ARSB: variants seen among roughly 807,000 people sequenced by gnomAD.
ARSB encodes the protein N-acetylgalactosamine-4-sulfatase.
In ARSB, 41 loss-of-function variants were observed where a neutral mutation model predicts 50.9. The ratio of observed to expected loss-of-function variants is 0.81; its 90% CI spans 0.63 to 1.04. The LOEUF is 1.04. ARSB is among the 50% of genes least tolerant of loss of function. The probability of loss-of-function intolerance (pLI) is 0.00; values close to 1 mark genes in which losing one functional copy is unlikely to be tolerated. For synonymous variants in ARSB, 269 were observed against 284.8 expected, an observed-to-expected ratio of 0.94 and a Z score of 0.56; for missense variants, 672 against 693.3, an observed-to-expected ratio of 0.97 and a Z score of 0.35.
At chr5:78,787,337 C>A (rs1298247349) in intron 6 of ARSB, among the ~76,000 whole-genome samples, 1 of 152,080 alleles carries the variant, frequency 6.6e-6, no homozygotes, top group Non-Finnish European at 1.5e-5. Context: ...AGTCCTCCCA[C>A]TTTTATTTTT....
chr5:78,902,482 C>A (rs1381718281), intron 4 of ARSB, among the ~76,000 whole-genome samples: 1 of 151,924 alleles, frequency 6.6e-6, no homozygotes. Flanking sequence ...CATAATAGCC[C>A]AAAAAAGTAG....
At chr5:78,920,680 A>G (rs997107116) in intron 4 of ARSB, among the ~76,000 whole-genome samples, 5 of 109,878 alleles carry the variant, frequency 4.6e-5, no homozygotes, top group Non-Finnish European at 9.5e-5. Context: ...TCTTGTCCCC[A>G]TAGAGCTCTG....
At chr5:78,911,209 C>A (rs1749291744) in intron 4 of ARSB, among the ~76,000 whole-genome samples, 1 of 151,976 alleles carries the variant, frequency 6.6e-6, no homozygotes, top group Admixed American at 6.5e-5. Context: ...GTAAAATTGT[C>A]CTGACTCAAG....
intron 6 of ARSB, among the ~76,000 whole-genome samples, chr5:78,800,064 T>C (rs1187789582): frequency 6.6e-6 from 1 of 152,084 alleles, no homozygotes; most frequent in Admixed American, 6.5e-5. Flanking sequence ...ACGTCTGTAA[T>C]CCCGGCACTT....
Position 78,985,017 on chromosome 5 carries a change from CG to C in ARSB, c.231del (p.Gly78AlafsTer36). On this transcript the variant is annotated frameshift_variant, in exon 1 of 8. Transcript: ENST00000264914. LOFTEE classifies it high-confidence loss of function. ...TAGTAGTTGTCCAGGAGCACCCCGC[CG>C]GCCGCCAGCGCGTCCAGGTGCGGCG... Reference protein sequence around the residue: ...IRTPHLDALAAGGVLLDNYYT... With the variant: ...IRTPHLDALAXGGVLLDNYYT... 3.9e-6 allele frequency: 6 copies of C among 1,539,750 alleles called. No individual in the cohort carries two copies. Among genetic ancestry groups the C allele is most frequent in the South Asian group, 1.2e-5 (1 of 83,128 alleles).
chr5:78,854,127 T>G (rs1746016775), intron 5 of ARSB, among the ~76,000 whole-genome samples: 1 of 152,248 alleles, frequency 6.6e-6, no homozygotes, highest in African/African-American at 2.4e-5. Flanking sequence ...CAGAGGGAAA[T>G]GCAGAAATCA....
chr5:78,795,545 A>C (rs1455998466), intron 6 of ARSB, among the ~76,000 whole-genome samples: 2 of 152,204 alleles, frequency 1.3e-5, no homozygotes, highest in East Asian at 3.8e-4. Flanking sequence ...CCTGACCACC[A>C]TTAAATACTT....
At chr5:78,948,017 G>A (rs1751323948) in intron 4 of ARSB, among the ~76,000 whole-genome samples, 1 of 152,086 alleles carries the variant, frequency 6.6e-6, no homozygotes, top group Non-Finnish European at 1.5e-5. Flanking sequence ...TATATTAAGT[G>A]AAATAAGCCA....
intron 3 of ARSB, among the ~76,000 whole-genome samples, chr5:78,963,423 G>A (rs528660689): frequency 3.3e-5 from 5 of 152,270 alleles, no homozygotes; most frequent in African/African-American, 1.2e-4. Context: ...CATTGTCAAA[G>A]AGGCAAAGTG....
chr5:78,934,442 T>C (rs1286682991), intron 4 of ARSB, among the ~76,000 whole-genome samples: 1 of 152,158 alleles, frequency 6.6e-6, no homozygotes, highest in Non-Finnish European at 1.5e-5. Flanking sequence ...AATATTTTGT[T>C]ATAAATATGA....
chr5:78,849,506 T>C (rs1167289675), intron 5 of ARSB, among the ~76,000 whole-genome samples: 3 of 151,982 alleles, frequency 2.0e-5, no homozygotes, highest in Admixed American at 2.0e-4. Context: ...GCGTGATGCC[T>C]CCAGCTTTGT....
chr5:78,948,739 T>G (rs1227655726), intron 4 of ARSB, among the ~76,000 whole-genome samples: 5 of 152,198 alleles, frequency 3.3e-5, no homozygotes, highest in Non-Finnish European at 7.4e-5. Context: ...TATATATTCC[T>G]CCTAGTGAGG....
intron 6 of ARSB, among the ~76,000 whole-genome samples, chr5:78,805,444 T>C (rs1333491411): frequency 3.9e-5 from 6 of 152,214 alleles, no homozygotes; most frequent in African/African-American, 1.4e-4. Flanking sequence ...GAAAGACGTC[T>C]TTCTGTTTCT....
chr5:78,897,135 T>A (rs1016067927), intron 4 of ARSB, among the ~76,000 whole-genome samples: 1 of 152,162 alleles, frequency 6.6e-6, no homozygotes, highest in Admixed American at 6.6e-5. Flanking sequence ...CAAAAAATAC[T>A]TTGTGTTTAT....
intron 4 of ARSB, among the ~76,000 whole-genome samples, chr5:78,948,773 A>G (rs1229467065): frequency 2.0e-5 from 3 of 152,184 alleles, no homozygotes; most frequent in African/African-American, 7.2e-5. Context: ...AAACATAAAT[A>G]TATGTCAAAT....
chr5:78,980,734 A>ATG lies in ARSB; in HGVS notation c.312+4201_312+4202dup, dbSNP rs1554089416. ...ACTGAATGTCTAAGGAAGTGTGTGT[A>ATG]TGTGTGTGTGTGTGTGTGTGTTTTG... On this transcript the variant is annotated intron_variant, in intron 1 of 7. Transcript: ENST00000264914. 4.4e-3 allele frequency among the ~76,000 whole-genome samples: 665 copies of ATG among 151,004 alleles called. 9 individuals carry two copies. Among genetic ancestry groups the ATG allele is most frequent in the East Asian group, 0.017 (86 of 5,136 alleles).
chr5:78,884,644 C>A (rs998739989), intron 5 of ARSB: 7 of 152,020 alleles, frequency 4.6e-5, no homozygotes, highest in African/African-American at 1.7e-4. Context: ...GGTCATTCCA[C>A]CCGTAAAAAT....
rs1438257839 is a variant in ARSB, at chr5:78,922,964, G to T, written c.898+32331C>A. Among the ~76,000 whole-genome samples, 3 of 152,138 alleles carry T rather than the reference G, an allele frequency of 2.0e-5. No individual in the cohort carries two copies. In the East Asian group the frequency reaches 5.8e-4, roughly 29 times the overall value. ...AATCTTTCAAGCTCCAACCTGCTGTGAGTTGGTCAGGACAAGGGAGTCAGT... is the reference window on the plus strand; with the variant it reads ...AATCTTTCAAGCTCCAACCTGCTGTTAGTTGGTCAGGACAAGGGAGTCAGT... On this transcript the variant is annotated intron_variant, in intron 4 of 7. Coordinates refer to ENST00000264914, the MANE Select transcript of ARSB (RefSeq NM_000046.5).
At chr5:78,792,638 A>G (rs751286077) in intron 6 of ARSB, among the ~76,000 whole-genome samples, 3 of 152,212 alleles carry the variant, frequency 2.0e-5, no homozygotes, top group Non-Finnish European at 4.4e-5. Flanking sequence ...ATGAGTGTGA[A>G]GAGGAAATAA....
Sources: gnomAD v4.1 joint callset for allele counts (sites outside exome capture counted in the v4.1 genomes callset) on GRCh38, gnomAD v4.1.1 for gene constraint, MANE v1.5 for transcripts, NCBI Gene and HGNC (gene_info 2026-07-23, HGNC 2026-07-21) for gene names.